TTC39B: variants seen among roughly 807,000 people sequenced by gnomAD.
TTC39B encodes tetratricopeptide repeat domain 39B.
Under a neutral mutation model 96.6 loss-of-function variants are expected in TTC39B, and 92 were observed. That is an observed-to-expected ratio of 0.95 (90% confidence interval 0.80 to 1.13). The LOEUF is 1.13. Among genes scored for constraint, TTC39B ranks in the 50% most tolerant of loss-of-function variants. TTC39B has a pLI of 0.00. For missense variants in TTC39B, 955 were observed against 809.3 expected (o/e 1.18, Z -2.18); for synonymous variants, 367 against 299.4 (o/e 1.23, Z -2.33).
chr9:15,218,720 G>C (rs1820675188), intron 3 of TTC39B, among the ~76,000 whole-genome samples: 2 of 151,134 alleles, frequency 1.3e-5, no homozygotes, highest in Admixed American at 1.3e-4. Context: ...TCTTACTTTA[G>C]TAATTACTTT....
chr9:15,168,006 A>G (rs1001673146), exon 20 of TTC39B: 1 of 152,354 alleles, frequency 6.6e-6, no homozygotes, highest in South Asian at 2.1e-4. Flanking sequence ...GGCACTTTAA[A>G]TAGAAAAAGC....
intron 7 of TTC39B, among the ~76,000 whole-genome samples, chr9:15,200,771 C>T (rs1035743688): frequency 1.5e-4 from 23 of 152,172 alleles, no homozygotes; most frequent in African/African-American, 5.5e-4. Context: ...GAGGCCGAGG[C>T]GGGTGGATCA....
chr9:15,199,865 A>G (rs901608491), exon 8 of TTC39B: 9 of 1,514,138 alleles, frequency 5.9e-6, no homozygotes, highest in Non-Finnish European at 7.3e-6. Context: ...ACTTACTTAT[A>G]TATTTGGTAA....
At chr9:15,299,595 C>T (rs746211449) in intron 1 of TTC39B, among the ~76,000 whole-genome samples, 2 of 152,056 alleles carry the variant, frequency 1.3e-5, no homozygotes, top group Non-Finnish European at 2.9e-5. Context: ...GAAAATCTCT[C>T]CCCCAGGAAG....
chr9:15,174,607 C>T (rs1588834579), intron 19 of TTC39B, among the ~76,000 whole-genome samples: 1 of 152,266 alleles, frequency 6.6e-6, no homozygotes, highest in East Asian at 1.9e-4. Context: ...ACCCAAGGGC[C>T]AAATCTAAAC....
intron 2 of TTC39B, among the ~76,000 whole-genome samples, chr9:15,256,781 C>CA (rs1473763496): frequency 1.3e-5 from 2 of 152,042 alleles, no homozygotes; most frequent in East Asian, 3.9e-4. Context: ...TTTACTCTCA[C>CA]AAAAAACTGT....
intron 1 of TTC39B, among the ~76,000 whole-genome samples, chr9:15,291,908 A>G (rs999871308): frequency 3.9e-5 from 6 of 152,346 alleles, no homozygotes; most frequent in African/African-American, 1.2e-4. Context: ...CCTTTGATCA[A>G]GTAACTTAAC....
At chr9:15,297,274 C>T (rs1824416197) in intron 1 of TTC39B, among the ~76,000 whole-genome samples, 1 of 152,230 alleles carries the variant, frequency 6.6e-6, no homozygotes, top group African/African-American at 2.4e-5. Context: ...CGAATGTCAC[C>T]TTCTAGAAGA....
exon 20 of TTC39B, chr9:15,170,691 T>C (rs1460014153): frequency 6.6e-6 from 1 of 152,140 alleles, no homozygotes; most frequent in Non-Finnish European, 1.5e-5. Flanking sequence ...CAGAGGCTTC[T>C]ATGACAAGTT....
intron 7 of TTC39B, among the ~76,000 whole-genome samples, chr9:15,203,473 C>T (rs1199105020): frequency 2.7e-5 from 4 of 150,622 alleles, no homozygotes; most frequent in African/African-American, 9.8e-5. Context: ...GTTGGCCAGG[C>T]TTGTCTCGAA....
At chr9:15,208,351 A>G (rs1262079042) in intron 6 of TTC39B, among the ~76,000 whole-genome samples, 4 of 152,034 alleles carry the variant, frequency 2.6e-5, no homozygotes, top group African/African-American at 9.7e-5. Flanking sequence ...ATACTCATAC[A>G]AAAAATACCA....
At chr9:15,225,317 C>G (rs973289478) in intron 3 of TTC39B, among the ~76,000 whole-genome samples, 4 of 151,964 alleles carry the variant, frequency 2.6e-5, no homozygotes. Flanking sequence ...CAAAAATAAT[C>G]AGGATTATAG....
At chr9:15,221,918 T>C (rs1437629197) in intron 3 of TTC39B, among the ~76,000 whole-genome samples, 1 of 152,220 alleles carries the variant, frequency 6.6e-6, no homozygotes, top group Non-Finnish European at 1.5e-5. Flanking sequence ...CCAATATGTC[T>C]CTAATAAAAA....
chr9:15,230,170 T>C (rs904765548), intron 2 of TTC39B, among the ~76,000 whole-genome samples: 2 of 152,230 alleles, frequency 1.3e-5, no homozygotes, highest in Non-Finnish European at 2.9e-5. Flanking sequence ...ATTAGTACAT[T>C]GGAATATATG....
In TTC39B at chr9:15,266,065, A is replaced by T. The variant is rs538207147; in HGVS notation, c.275+1849T>A. ...TAAATCTGGATAACGTATGGACTGT[A>T]GTTAACAATAATATATCCATATTGA... On this transcript the variant is annotated intron_variant, in intron 2 of 19. Coordinates refer to ENST00000512701, the Ensembl canonical transcript of TTC39B. Among the ~76,000 whole-genome samples the T allele has an allele frequency of 5.3e-5, 8 of 152,340 alleles. No individual in the cohort carries two copies. The South Asian group carries it at 1.7e-3, about 32-fold the overall frequency.
At position 15,257,908 on chromosome 9, in the gene TTC39B, A is replaced by G. The variant is rs188532502; in HGVS notation, c.275+10006T>C. Among the ~76,000 whole-genome samples the G allele has an allele frequency of 1.7e-3, 257 of 151,934 alleles. 2 individuals carry two copies. Among genetic ancestry groups the G allele is most frequent in the African/African-American group, 5.6e-3 (233 of 41,482 alleles). On this transcript the variant is annotated intron_variant, in intron 2 of 19. Transcript: ENST00000512701. ...AACCCCGTCTCTACTAAAAATACAAAATTAGCCGGGCACGGTGGCGGGCGC... is the reference window on the plus strand; with the variant it reads ...AACCCCGTCTCTACTAAAAATACAAGATTAGCCGGGCACGGTGGCGGGCGC...
At chr9:15,217,215 CTT>C (rs959128703) in intron 3 of TTC39B, among the ~76,000 whole-genome samples, 2 of 152,194 alleles carry the variant, frequency 1.3e-5, no homozygotes, top group African/African-American at 4.8e-5. Flanking sequence ...AATCCTCACT[CTT>C]TTTCTCAACA....
chr9:15,271,524 A>C (rs1823352350), intron 1 of TTC39B, among the ~76,000 whole-genome samples: 1 of 152,128 alleles, frequency 6.6e-6, no homozygotes, highest in Admixed American at 6.5e-5. Flanking sequence ...TGCGCAACCT[A>C]GATCACTTGC....
At chr9:15,303,633 A>AT (rs199999024) in intron 1 of TTC39B, among the ~76,000 whole-genome samples, 136 of 145,396 alleles carry the variant, frequency 9.4e-4, no homozygotes, top group South Asian at 2.4e-3. Context: ...TATGAGAAAA[A>AT]TTTTTTTTTT....
Sources: allele counts gnomAD v4.1 joint callset (sites outside exome capture counted in the v4.1 genomes callset), GRCh38; gene constraint gnomAD v4.1.1; transcripts MANE v1.5; gene names NCBI Gene and HGNC (gene_info 2026-07-23, HGNC 2026-07-21).